The following CDK8 variants were observed in gnomAD, a reference collection of about 807,000 sequenced individuals.
CDK8 encodes cyclin-dependent kinase 8.
CDK8 carries 29 observed loss-of-function variants against 71.5 expected under a neutral mutation model. That is an observed-to-expected ratio of 0.41 (90% CI 0.30 to 0.55). The LOEUF is 0.55. CDK8 is among the 20% of genes least tolerant of loss of function. The pLI is 0.37. For missense variants in CDK8, 288 were observed against 572.6 expected (o/e 0.50, Z 5.07); for synonymous variants, 161 against 192.1 (o/e 0.84, Z 1.34).
At chr13:26,320,839 G>GA (rs1235233595) in intron 1 of CDK8, among the ~76,000 whole-genome samples, 1 of 152,154 alleles carries the variant, frequency 6.6e-6, no homozygotes, top group Non-Finnish European at 1.5e-5. Flanking sequence ...ACACTCATTA[G>GA]AATGGCTACT....
intron 6 of CDK8, among the ~76,000 whole-genome samples, chr13:26,388,349 T>G (rs1465133941): frequency 2.0e-5 from 3 of 152,200 alleles, no homozygotes; most frequent in Non-Finnish European, 1.5e-5. Flanking sequence ...CTAGTCCTAT[T>G]TTGGAATACA....
chr13:26,320,531 C>T (rs1874727962), intron 1 of CDK8, among the ~76,000 whole-genome samples: 1 of 152,090 alleles, frequency 6.6e-6, no homozygotes, highest in South Asian at 2.1e-4. Context: ...ACAAATTGAA[C>T]TTCATGAAAA....
intron 1 of CDK8, among the ~76,000 whole-genome samples, chr13:26,287,279 G>T (rs1438821719): frequency 1.3e-5 from 2 of 152,188 alleles, no homozygotes; most frequent in African/African-American, 2.4e-5. Context: ...AGAAAATGTA[G>T]TGTCTATATG....
chr13:26,376,200 G>T lies in CDK8; in HGVS notation c.457-6614G>T, dbSNP rs142571060. 3.9e-3 allele frequency among the ~76,000 whole-genome samples: 448 copies of T among 115,018 alleles called. 7 individuals carry two copies. The highest frequency in any genetic ancestry group is 0.012 in the African/African-American group (415 of 34,424). 75.5% of individuals were successfully genotyped at this position (115,018 alleles called of 152,430 possible). On this transcript the variant is annotated intron_variant, in intron 4 of 12. Transcript: ENST00000381527. The stretch of plus-strand genomic sequence containing the variant: ...GATTTTCAGATTTCAATGTAAGCTA[G>T]GTTCGCTTTTTTAATACATCAAGTT...
At chr13:26,288,544 TTA>T (rs1489575901) in intron 1 of CDK8, among the ~76,000 whole-genome samples, 8 of 151,552 alleles carry the variant, frequency 5.3e-5, no homozygotes, top group African/African-American at 1.9e-4. Flanking sequence ...CATTTATTTC[TTA>T]TTTTTTTTTT....
intron 1 of CDK8, among the ~76,000 whole-genome samples, chr13:26,303,584 C>T (rs1873913126): frequency 6.6e-6 from 1 of 152,082 alleles, no homozygotes; most frequent in Non-Finnish European, 1.5e-5. Flanking sequence ...TTCTTAATTT[C>T]CCTTCTTAAT....
chr13:26,264,653 A>G (rs1408731553), intron 1 of CDK8, among the ~76,000 whole-genome samples: 1 of 152,158 alleles, frequency 6.6e-6, no homozygotes, highest in Non-Finnish European at 1.5e-5. Context: ...CTACTCTACT[A>G]TCAAACATTG....
At chr13:26,298,786 C>T (rs1238544418) in intron 1 of CDK8, among the ~76,000 whole-genome samples, 1 of 152,118 alleles carries the variant, frequency 6.6e-6, no homozygotes, top group Non-Finnish European at 1.5e-5. Flanking sequence ...GACCACGGCA[C>T]CCTTGGCAAT....
intron 4 of CDK8, among the ~76,000 whole-genome samples, chr13:26,361,783 C>CTTTTTT (rs1201582663): frequency 1.7e-4 from 19 of 112,216 alleles, no homozygotes; most frequent in Middle Eastern, 5.4e-3. Flanking sequence ...TTTTCTTTTC[C>CTTTTTT]CTTTTTTTTT....
chr13:26,304,855 A>G (rs1016380192), intron 1 of CDK8, among the ~76,000 whole-genome samples: 1 of 151,746 alleles, frequency 6.6e-6, no homozygotes, highest in Admixed American at 6.6e-5. Flanking sequence ...TTTTATAGAG[A>G]TGAGGGTCTC....
chr13:26,284,891 A>G (rs1267729999), intron 1 of CDK8, among the ~76,000 whole-genome samples: 1 of 151,954 alleles, frequency 6.6e-6, no homozygotes, highest in Non-Finnish European at 1.5e-5. Flanking sequence ...GGGAGGAAGG[A>G]AAAGAAAACC....
intron 2 of CDK8, among the ~76,000 whole-genome samples, chr13:26,342,283 A>G (rs193082685): frequency 6.6e-6 from 1 of 152,332 alleles, no homozygotes; most frequent in Admixed American, 6.5e-5. Flanking sequence ...AAAAACTAGG[A>G]TCTACATGCT....
intron 4 of CDK8, among the ~76,000 whole-genome samples, chr13:26,379,037 A>G (rs1261841309): frequency 6.6e-6 from 1 of 152,206 alleles, no homozygotes; most frequent in African/African-American, 2.4e-5. Flanking sequence ...TTTTTCTCTT[A>G]AGATTCCCAT....
chr13:26,359,497 A>T (rs1874040139), intron 4 of CDK8: 2 of 160,542 alleles, frequency 1.2e-5, no homozygotes, highest in Non-Finnish European at 2.8e-5. Flanking sequence ...ACAAGACATG[A>T]TGCATCAAAG....
chr13:26,279,105 C>T (rs1362661783), intron 1 of CDK8, among the ~76,000 whole-genome samples: 1 of 151,866 alleles, frequency 6.6e-6, no homozygotes, highest in Non-Finnish European at 1.5e-5. Context: ...TATAATTTGT[C>T]CTATAACGAA....
chr13:26,402,823 A>G (rs1593316709), intron 12 of CDK8, among the ~76,000 whole-genome samples: 1 of 152,234 alleles, frequency 6.6e-6, no homozygotes, highest in Admixed American at 6.5e-5. Flanking sequence ...CGAGAAAATG[A>G]TGCCATGCTG....
In CDK8 at chr13:26,404,008, C is replaced by T. The variant is rs1232323179; in HGVS notation, c.1322C>T (p.Pro441Leu). ...YPNPGPSTSQ[P>L]QSSMGYSATS... The stretch of plus-strand genomic sequence containing the variant: ...AACCCTGGACCAAGCACATCACAGC[C>T]GCAGAGCAGCATGGGATACTCAGCT... The change falls in exon 13 of 13, where the codon CCG becomes CTG. Residue 441 changes from proline to leucine, a missense_variant. Physicochemically the swap from Pro to Leu is moderately conservative, Grantham distance 98. This residue lies in a region of CDK8 where 76 missense variants were observed against 99.7 expected (regional missense o/e 0.76). Transcript: ENST00000381527. 3.7e-6 allele frequency: 6 copies of T among 1,613,764 alleles called. 1 individual carries two copies. Among genetic ancestry groups the T allele is most frequent in the South Asian group, 3.3e-5 (3 of 91,070 alleles).
intron 1 of CDK8, among the ~76,000 whole-genome samples, chr13:26,303,232 A>T (rs1303599655): frequency 6.7e-6 from 1 of 150,136 alleles, no homozygotes; most frequent in Non-Finnish European, 1.5e-5. Context: ...TTTCATTATC[A>T]TTTTTTCCAC....
chr13:26,271,211 C>G (rs761465611), intron 1 of CDK8, among the ~76,000 whole-genome samples: 59 of 151,852 alleles, frequency 3.9e-4, no homozygotes, highest in Non-Finnish European at 7.6e-4. Context: ...GATACTGAAC[C>G]CTTATCAGAT....
Sources: allele counts gnomAD v4.1 joint callset (sites outside exome capture counted in the v4.1 genomes callset), GRCh38; gene constraint gnomAD v4.1.1; regional missense constraint gnomAD v4.1.1; transcripts MANE v1.5; gene names NCBI Gene and HGNC (gene_info 2026-07-23, HGNC 2026-07-21).